The following KCNIP4 variants were observed in gnomAD, a reference collection of about 807,000 sequenced individuals.
KCNIP4 encodes the protein Kv channel-interacting protein 4.
A neutral mutation model predicts 34.0 loss-of-function variants in KCNIP4; 12 were observed. The ratio of observed to expected loss-of-function variants is 0.35; its 90% CI spans 0.23 to 0.57. The LOEUF (loss-of-function observed/expected upper bound fraction) is 0.57, where lower values mean the gene tolerates loss of function less well. Among genes scored for constraint, KCNIP4 ranks in the 20% least tolerant of loss-of-function variants. The pLI is 0.83. For synonymous variants in KCNIP4, 124 were observed against 102.2 expected, an observed-to-expected ratio of 1.21 and a Z score of -1.29; for missense variants, 238 against 311.7, an observed-to-expected ratio of 0.76 and a Z score of 1.78.
chr4:21,651,674 G>A (rs182998151), intron 1 of KCNIP4, among the ~76,000 whole-genome samples: 47 of 152,210 alleles, frequency 3.1e-4, no homozygotes, highest in African/African-American at 1.1e-3. Context: ...TCTTTTACAA[G>A]AACAAAACAT....
At chr4:21,323,806 T>C (rs1158866018) in intron 1 of KCNIP4, among the ~76,000 whole-genome samples, 1 of 152,084 alleles carries the variant, frequency 6.6e-6, no homozygotes, top group Non-Finnish European at 1.5e-5. Flanking sequence ...AGTTTTAGTT[T>C]TTTTGAGGAA....
At chr4:21,376,904 G>C (rs1039927286) in intron 1 of KCNIP4, among the ~76,000 whole-genome samples, 2 of 152,222 alleles carry the variant, frequency 1.3e-5, no homozygotes, top group East Asian at 3.8e-4. Flanking sequence ...CATAGCAGAA[G>C]AGGTTATTTT....
intron 1 of KCNIP4, among the ~76,000 whole-genome samples, chr4:21,345,128 C>G (rs1717161434): frequency 6.6e-6 from 1 of 152,116 alleles, no homozygotes; most frequent in Admixed American, 6.6e-5. Context: ...TATAAAAAGA[C>G]TGTGGCTTCT....
chr4:21,053,012 CACACACACACACAT>C (rs900295511), intron 1 of KCNIP4, among the ~76,000 whole-genome samples: 4 of 150,472 alleles, frequency 2.7e-5, no homozygotes, highest in Admixed American at 6.6e-5. Flanking sequence ...GATATGTATA[CACACACACACACAT>C]ACACACACAC....
intron 1 of KCNIP4, among the ~76,000 whole-genome samples, chr4:20,971,775 A>T (rs2149677974): frequency 6.6e-6 from 1 of 152,338 alleles, no homozygotes; most frequent in South Asian, 2.1e-4. Flanking sequence ...AATTTGCCTC[A>T]TTGATTGAAC....
intron 3 of KCNIP4, among the ~76,000 whole-genome samples, chr4:20,812,151 T>C (rs1279613344): frequency 3.3e-5 from 5 of 152,224 alleles, no homozygotes; most frequent in Admixed American, 3.3e-4. Context: ...AGCTTGAAGA[T>C]ATCAAAGGCT....
chr4:21,365,084 T>C lies in KCNIP4; in HGVS notation c.62-482375A>G, dbSNP rs574803358. Among the ~76,000 whole-genome samples the C allele has an allele frequency of 1.7e-4, 26 of 152,172 alleles. 1 individual carries two copies. In the South Asian group the frequency reaches 5.2e-3, roughly 30 times the overall value. On this transcript the variant is annotated intron_variant, in intron 1 of 8. Transcript: ENST00000382152. Reference sequence around the variant, plus strand: ...CTAAGGGTTTGAAATCTATGGTGGGTAAAAGGGAGATATTAAAGTATTTGG... The same window carrying C: ...CTAAGGGTTTGAAATCTATGGTGGGCAAAAGGGAGATATTAAAGTATTTGG...
chr4:21,501,246 T>TCACA (rs1309846168), intron 1 of KCNIP4, among the ~76,000 whole-genome samples: 6 of 93,434 alleles, frequency 6.4e-5, no homozygotes, highest in South Asian at 4.9e-4. Flanking sequence ...TCTCTCTCTC[T>TCACA]CTCACACACA....
At chr4:21,751,399 T>G (rs1249462164) in intron 1 of KCNIP4, among the ~76,000 whole-genome samples, 1 of 152,148 alleles carries the variant, frequency 6.6e-6, no homozygotes, top group Non-Finnish European at 1.5e-5. Flanking sequence ...GACATGGTGT[T>G]TATGTATATA....
chr4:20,740,024 C>A (rs1028797217), intron 5 of KCNIP4, among the ~76,000 whole-genome samples: 14 of 151,788 alleles, frequency 9.2e-5, no homozygotes, highest in African/African-American at 3.4e-4. Flanking sequence ...TGAAATGAAG[C>A]GAGAAGAGAA....
intron 1 of KCNIP4, among the ~76,000 whole-genome samples, chr4:21,084,459 C>T (rs937141050): frequency 1.0e-4 from 15 of 149,406 alleles, no homozygotes; most frequent in Admixed American, 5.3e-4. Flanking sequence ...TTCCTTTCTC[C>T]ATGCCATTTG....
At chr4:21,125,470 C>T (rs1750543183) in intron 1 of KCNIP4, among the ~76,000 whole-genome samples, 1 of 152,058 alleles carries the variant, frequency 6.6e-6, no homozygotes, top group South Asian at 2.1e-4. Context: ...CCACCTCGGC[C>T]TTCCAAAGTG....
rs2322845 is a variant in KCNIP4 at position 20,984,154 on chromosome 4, C to G, written c.62-101445G>C. ...TGGCATTTGGCTGGCGGGGCTTCCC[C>G]CCTGCTACCACAGCGCACGGACCTC... On this transcript the variant is annotated intron_variant, in intron 1 of 8. Coordinates refer to ENST00000382152, the MANE Select transcript of KCNIP4 (RefSeq NM_025221.6). The G allele has an allele frequency of 2.2e-3, 1,302 of 584,900 alleles. 16 individuals carry two copies. Among genetic ancestry groups the G allele is most frequent in the African/African-American group, 0.021 (1,120 of 53,254 alleles). The allele number at this position is 584,900 out of a possible 1,614,324, so 36.2% of individuals were successfully genotyped here. A position where few individuals can be genotyped will look rare whatever the true frequency, so the allele number is the denominator to read the frequency against.
chr4:21,403,532 C>T (rs1723716189), intron 1 of KCNIP4, among the ~76,000 whole-genome samples: 6 of 152,158 alleles, frequency 3.9e-5, no homozygotes, highest in Admixed American at 3.9e-4. Flanking sequence ...CTCATTCCTC[C>T]ACTTTTCATC....
chr4:21,294,390 T>C (rs551181024), intron 1 of KCNIP4, among the ~76,000 whole-genome samples: 1 of 152,322 alleles, frequency 6.6e-6, no homozygotes, highest in African/African-American at 2.4e-5. Context: ...TGTCATCGCA[T>C]TTTGGCATAC....
At chr4:20,957,383 A>G (rs551102581) in intron 1 of KCNIP4, among the ~76,000 whole-genome samples, 7 of 152,334 alleles carry the variant, frequency 4.6e-5, no homozygotes, top group African/African-American at 1.7e-4. Flanking sequence ...TCTTAACTTC[A>G]TAATGTATGA....
chr4:21,404,336 T>G (rs944628435), intron 1 of KCNIP4, among the ~76,000 whole-genome samples: 4 of 152,232 alleles, frequency 2.6e-5, no homozygotes, highest in African/African-American at 9.6e-5. Flanking sequence ...CAGGAATTTA[T>G]TTTATTCTCT....
intron 1 of KCNIP4, among the ~76,000 whole-genome samples, chr4:21,243,666 C>T (rs898663501): frequency 6.6e-6 from 1 of 152,130 alleles, no homozygotes; most frequent in Admixed American, 6.6e-5. Flanking sequence ...TAAATGCTTT[C>T]CACAGTGCAG....
chr4:21,039,876 A>G (rs1466993096), intron 1 of KCNIP4, among the ~76,000 whole-genome samples: 2 of 152,210 alleles, frequency 1.3e-5, no homozygotes, highest in African/African-American at 4.8e-5. Context: ...TCATACTGCT[A>G]TAAAGAACTG....
Sources: gnomAD v4.1 joint callset for allele counts (sites outside exome capture counted in the v4.1 genomes callset) on GRCh38, gnomAD v4.1.1 for gene constraint, MANE v1.5 for transcripts, NCBI Gene and HGNC (gene_info 2026-07-23, HGNC 2026-07-21) for gene names.